C5: variants seen among roughly 807,000 people sequenced by gnomAD.
C5 encodes the protein complement C5.
C5 carries 140 observed loss-of-function variants against 218.8 expected under a neutral mutation model. That is an observed-to-expected ratio of 0.64 (90% CI 0.56 to 0.74). C5 has a LOEUF of 0.74. Among genes scored for constraint, C5 ranks in the 30% least tolerant of loss-of-function variants. The pLI, the probability that C5 is intolerant of heterozygous loss-of-function variation, is 0.00. For missense variants in C5, 1,700 were observed against 1,969.6 expected (o/e 0.86, Z 2.59); for synonymous variants, 614 against 682.3 (o/e 0.90, Z 1.56).
At chr9:121,009,893 C>T (rs553200629) in intron 17 of C5, among the ~76,000 whole-genome samples, 4 of 152,306 alleles carry the variant, frequency 2.6e-5, no homozygotes, top group Admixed American at 2.0e-4. Context: ...CTCAGTGTTG[C>T]ACTGTCACGG....
intron 40 of C5, 54 bp from the exon 41 acceptor site, chr9:120,952,922 TG>T: frequency 6.2e-7 from 1 of 1,601,428 alleles, no homozygotes; most frequent in Admixed American, 1.7e-5. Flanking sequence ...AAGCTGAATT[TG>T]ATTTCTTTAT....
intron 38 of C5, 53 bp downstream of exon 38, chr9:120,960,195 C>T: frequency 3.6e-6 from 4 of 1,111,576 alleles, no homozygotes; most frequent in Non-Finnish European, 5.5e-6. Flanking sequence ...TAACTGAACA[C>T]ATATTCATAA....
At chr9:121,073,322 A>G in the C5 span, among the ~76,000 whole-genome samples, 1 of 152,128 alleles carries the variant, frequency 6.6e-6, no homozygotes, top group Non-Finnish European at 1.5e-5. Flanking sequence ...CCCTTTGCCA[A>G]GCAAATTCTT....
chr9:120,962,615 T>C (rs2046835228), intron 36 of C5, 56 bp downstream of exon 36: 1 of 1,313,620 alleles, frequency 7.6e-7, no homozygotes, highest in South Asian at 1.2e-5. Context: ...TTTCTAAATG[T>C]TCTGGAAAGA....
At chr9:120,961,336 G>T in intron 37 of C5, 146 bp downstream of exon 37, 1 of 681,792 alleles carries the variant, frequency 1.5e-6, no homozygotes, top group South Asian at 1.6e-5. Flanking sequence ...CAATGCTCAA[G>T]GAATCATTAG....
intron 7 of C5, among the ~76,000 whole-genome samples, chr9:121,029,535 A>G (rs117996288): frequency 6.6e-6 from 1 of 152,340 alleles, no homozygotes; most frequent in East Asian, 1.9e-4. Context: ...ATATAGTTAT[A>G]TAGATTGGTA....
chr9:120,968,278 G>T (rs1198496883), intron 33 of C5, among the ~76,000 whole-genome samples: 1 of 152,154 alleles, frequency 6.6e-6, no homozygotes, highest in African/African-American at 2.4e-5. Flanking sequence ...GGAAGCAGAG[G>T]TCACAGTCAG....
chr9:121,067,906 TCTTTATAAATTACTCAGTCTCAGTAATTA>T, the C5 span, among the ~76,000 whole-genome samples: 2 of 152,192 alleles, frequency 1.3e-5, no homozygotes, highest in South Asian at 2.1e-4. Context: ...AAACCTCTCT[TCTTTATAAATTACTCAGTCTCAGTAATTA>T]CTTTATAAAT....
In C5 at chr9:120,962,696, G is replaced by C. The variant is rs747665589; in HGVS notation, c.4479C>G (p.Phe1493Leu). ...FEVGFLSPATFTVYEYHRPDK... is the reference protein window; with the variant it reads ...FEVGFLSPATLTVYEYHRPDK... Reference sequence around the variant, plus strand: ...CTGGTCTGTGGTATTCGTACACTGTGAAAGTGGCAGGACTGAGAAACCCAA... The same window carrying C: ...CTGGTCTGTGGTATTCGTACACTGTCAAAGTGGCAGGACTGAGAAACCCAA... The change falls in exon 36 of 41, where the codon TTC (phenylalanine) becomes TTG (leucine). Residue 1493 changes from phenylalanine (F) to leucine (L), a missense_variant. By Grantham distance (22) the Phe-to-Leu change is conservative. Transcript: ENST00000223642. The C allele has an allele frequency of 1.2e-6, 2 of 1,613,364 alleles. No individual in the cohort carries two copies. Among genetic ancestry groups the C allele is most frequent in the Non-Finnish European group, 1.7e-6 (2 of 1,179,284 alleles).
chr9:120,965,311 G>A (rs373204308), intron 33 of C5, among the ~76,000 whole-genome samples: 507 of 152,160 alleles, frequency 3.3e-3, no homozygotes, highest in African/African-American at 0.011. Flanking sequence ...GCTGAAGCCA[G>A]GAGTTCGAGA....
chr9:121,034,452 G>A (rs41308008), intron 5 of C5, among the ~76,000 whole-genome samples: 4,190 of 152,164 alleles, frequency 0.028, 207 homozygotes, highest in African/African-American at 0.096. Flanking sequence ...AACTACAGAC[G>A]ACCCTATTTT....
intron 31 of C5, among the ~76,000 whole-genome samples, chr9:120,971,076 G>T (rs941184758): frequency 9.9e-5 from 15 of 151,160 alleles, no homozygotes; most frequent in Non-Finnish European, 7.4e-5. Context: ...GGAGGCTGAG[G>T]CAGGAGAATT....
upstream of C5, among the ~76,000 whole-genome samples, chr9:121,052,035 T>A (rs1489308747): frequency 6.6e-6 from 1 of 152,244 alleles, no homozygotes. Context: ...GTCCTGTTTC[T>A]CTGGTAGAAA....
rs575224573 is a variant in C5 at position 121,018,892 on chromosome 9, G to A, written c.1507-1040C>T. 3.3e-5 allele frequency among the ~76,000 whole-genome samples: 5 copies of A among 151,942 alleles called. No individual in the cohort carries two copies. The South Asian group carries it at 6.2e-4, about 19-fold the overall frequency. ...TCATTCTCACAATACATCAATAAGA[G>A]GAATATTATTCTCCTCATTTAAGAA... On this transcript the variant is annotated intron_variant, in intron 12 of 40. Transcript: ENST00000223642.
At chr9:121,027,056 C>T (rs545954304) in intron 8 of C5, 104 bp downstream of exon 8, 28 of 730,490 alleles carry the variant, frequency 3.8e-5, no homozygotes, top group African/African-American at 3.7e-4. Flanking sequence ...TAAGTTTCAA[C>T]CTATCTAAAA....
intron 25 of C5, among the ~76,000 whole-genome samples, chr9:120,986,631 T>C (rs1357654331): frequency 6.6e-6 from 1 of 152,204 alleles, no homozygotes; most frequent in Non-Finnish European, 1.5e-5. Context: ...TGTGGGGCTT[T>C]CTGCTCTCCA....
chr9:120,965,662 CAAATTAACAATTTAG>C (rs1236121172), intron 33 of C5, among the ~76,000 whole-genome samples: 1 of 152,146 alleles, frequency 6.6e-6, no homozygotes, highest in Non-Finnish European at 1.5e-5. Context: ...TATTCTTCAC[CAAATTAACAATTTAG>C]AACAGAATAT....
At chr9:120,966,029 C>T (rs1213571548) in intron 33 of C5, among the ~76,000 whole-genome samples, 1 of 152,148 alleles carries the variant, frequency 6.6e-6, no homozygotes, top group Non-Finnish European at 1.5e-5. Flanking sequence ...ACGAAAGAGA[C>T]CCTCTGAACA....
chr9:121,042,090 A>T (rs893455385), intron 3 of C5, among the ~76,000 whole-genome samples: 1 of 152,194 alleles, frequency 6.6e-6, no homozygotes, highest in African/African-American at 2.4e-5. Context: ...GTCCTCCTCC[A>T]AGAATATCAT....
Sources: allele counts gnomAD v4.1 joint callset (sites outside exome capture counted in the v4.1 genomes callset), GRCh38; gene constraint gnomAD v4.1.1; transcripts MANE v1.5; gene names NCBI Gene and HGNC (gene_info 2026-07-23, HGNC 2026-07-21).